NLK: variants seen among roughly 807,000 people sequenced by gnomAD.
The protein encoded by NLK is nemo like kinase, also known as serine/threonine-protein kinase NLK.
In NLK, 11 loss-of-function variants were observed where a neutral mutation model predicts 59.0. That is an observed-to-expected ratio of 0.19 (90% confidence interval 0.12 to 0.31). The LOEUF (loss-of-function observed/expected upper bound fraction) is 0.31, where lower values mean the gene tolerates loss of function less well. NLK is among the 10% of genes least tolerant of loss of function. The pLI is 1.00. For missense variants in NLK, 410 were observed against 661.1 expected, an observed-to-expected ratio of 0.62 and a Z score of 4.16; for synonymous variants, 235 against 235.9, an observed-to-expected ratio of 1.00 and a Z score of 0.03.
intron 5 of NLK, among the ~76,000 whole-genome samples, chr17:28,166,515 CTTATTTGGG>C (rs898908933): frequency 4.6e-5 from 7 of 152,176 alleles, no homozygotes; most frequent in African/African-American, 1.7e-4. Flanking sequence ...CAAATAAAAT[CTTATTTGGG>C]GACTTCAATT....
chr17:28,145,228 G>A (rs1907196441), intron 3 of NLK, among the ~76,000 whole-genome samples: 1 of 152,042 alleles, frequency 6.6e-6, no homozygotes, highest in African/African-American at 2.4e-5. Context: ...GGTTTTTAAT[G>A]TGTGCTTTTG....
intron 1 of NLK, among the ~76,000 whole-genome samples, chr17:28,121,947 TG>T (rs995930483): frequency 1.2e-4 from 18 of 149,432 alleles, no homozygotes; most frequent in African/African-American, 4.0e-4. Context: ...AAAAAGGGAG[TG>T]GGGGGACACA....
At chr17:28,128,019 T>G (rs1906360569) in intron 2 of NLK, among the ~76,000 whole-genome samples, 1 of 152,038 alleles carries the variant, frequency 6.6e-6, no homozygotes, top group Non-Finnish European at 1.5e-5. Context: ...CAGTCGGGAA[T>G]GGATGACCAT....
At chr17:28,084,794 C>G (rs1053450914) in intron 1 of NLK, among the ~76,000 whole-genome samples, 1 of 152,222 alleles carries the variant, frequency 6.6e-6, no homozygotes, top group Non-Finnish European at 1.5e-5. Context: ...GAACTCCTAA[C>G]CTCATGATCT....
chr17:28,106,828 AG>A (rs1224543936), intron 1 of NLK, among the ~76,000 whole-genome samples: 1 of 152,192 alleles, frequency 6.6e-6, no homozygotes, highest in Non-Finnish European at 1.5e-5. Context: ...CCAGCTCATG[AG>A]GCTAGCATAG....
chr17:28,081,634 C>G (rs957615687), intron 1 of NLK, among the ~76,000 whole-genome samples: 1 of 152,164 alleles, frequency 6.6e-6, no homozygotes, highest in Non-Finnish European at 1.5e-5. Context: ...TTACCTGAAG[C>G]CTCTGTTGTT....
At chr17:28,083,606 A>G (rs1432387267) in intron 1 of NLK, among the ~76,000 whole-genome samples, 1 of 152,186 alleles carries the variant, frequency 6.6e-6, no homozygotes, top group African/African-American at 2.4e-5. Flanking sequence ...AGTAACTCTA[A>G]TGGATTGAGG....
intron 9 of NLK, 47 bp from the exon 10 acceptor site, chr17:28,192,073 G>C: frequency 8.8e-7 from 1 of 1,130,216 alleles, no homozygotes; most frequent in Middle Eastern, 1.9e-4. Context: ...CACTGCTCCC[G>C]GGCTTGCAAA....
At chr17:28,103,391 G>A (rs565985461) in intron 1 of NLK, among the ~76,000 whole-genome samples, 6 of 152,294 alleles carry the variant, frequency 3.9e-5, no homozygotes, top group East Asian at 1.9e-4. Flanking sequence ...AGCTTTTGCA[G>A]TGTGAAAGTT....
intron 1 of NLK, among the ~76,000 whole-genome samples, chr17:28,110,954 C>T (rs1318993050): frequency 4.6e-5 from 7 of 150,584 alleles, no homozygotes; most frequent in Admixed American, 6.6e-5. Flanking sequence ...ACGCCATTCT[C>T]CTGCCTCAGC....
chr17:28,113,510 G>A (rs147837277), intron 1 of NLK, among the ~76,000 whole-genome samples: 78 of 152,340 alleles, frequency 5.1e-4, no homozygotes, highest in Non-Finnish European at 9.1e-4. Context: ...AGGCCATATA[G>A]GGTAACTTCT....
At chr17:28,080,970 G>A (rs890513623) in intron 1 of NLK, among the ~76,000 whole-genome samples, 3 of 151,468 alleles carry the variant, frequency 2.0e-5, no homozygotes, top group African/African-American at 7.3e-5. Context: ...GCTCACTGCA[G>A]CATCAACCTC....
chr17:28,205,878 T>TA, the NLK span, among the ~76,000 whole-genome samples: 3 of 152,222 alleles, frequency 2.0e-5, no homozygotes, highest in Non-Finnish European at 4.4e-5. Context: ...CTACAGTTAG[T>TA]AATGTTGTAT....
In NLK at chr17:28,195,759, C is replaced by T. The variant is rs2142077585; in HGVS notation, c.*1123C>T. The T allele has an allele frequency of 6.6e-6, 1 of 152,250 alleles. No homozygotes were observed. Among genetic ancestry groups the T allele is most frequent in the East Asian group, 1.9e-4 (1 of 5,184 alleles). 9.4% of individuals were successfully genotyped at this position (152,250 alleles called of 1,614,324 possible). A position where few individuals can be genotyped will look rare whatever the true frequency, so the allele number is the denominator to read the frequency against. On this transcript the variant is annotated 3_prime_UTR_variant, in exon 11 of 11. Transcript: ENST00000407008. ...AATACAAATCGAAGGCCTCTACCTC[C>T]TGGAGTTATACAACTTGGCTTGTTT...
chr17:28,046,044 CTG>C (rs1909041348), intron 1 of NLK, among the ~76,000 whole-genome samples: 1 of 152,206 alleles, frequency 6.6e-6, no homozygotes, highest in Non-Finnish European at 1.5e-5. Context: ...TGACAAGAAA[CTG>C]TATTTGCCCA....
chr17:28,175,867 GAAAATCTATTAATATTTTATAACAGA>G (rs1261974866), intron 7 of NLK, among the ~76,000 whole-genome samples: 6 of 152,290 alleles, frequency 3.9e-5, no homozygotes, highest in East Asian at 1.9e-4. Context: ...TTCACCTACA[GAAAATCTATTAATATTTTATAACAGA>G]AAAATCTATT....
At chr17:28,193,147 T>TG in intron 10 of NLK, among the ~76,000 whole-genome samples, 1 of 152,206 alleles carries the variant, frequency 6.6e-6, no homozygotes, top group Admixed American at 6.5e-5. Context: ...CTAGGAAAGA[T>TG]GATCAACTGC....
At chr17:28,054,988 C>A (rs567148421) in intron 1 of NLK, among the ~76,000 whole-genome samples, 2 of 152,150 alleles carry the variant, frequency 1.3e-5, no homozygotes, top group African/African-American at 4.8e-5. Context: ...CCCTCATTAT[C>A]TGTGGGTAAA....
At chr17:28,125,990 A>G (rs1229233829) in intron 2 of NLK, among the ~76,000 whole-genome samples, 5 of 152,234 alleles carry the variant, frequency 3.3e-5, no homozygotes, top group Admixed American at 2.0e-4. Context: ...AAGGTGGCAC[A>G]GATTGGACTG....
Sources: gnomAD v4.1 joint callset for allele counts (sites outside exome capture counted in the v4.1 genomes callset) on GRCh38, gnomAD v4.1.1 for gene constraint, MANE v1.5 for transcripts, NCBI Gene and HGNC (gene_info 2026-07-23, HGNC 2026-07-21) for gene names.